Variants in EYS observed in about 807,000 individuals in gnomAD.
EYS encodes EGF-like photoreceptor maintenance factor.
In EYS, 250 loss-of-function variants were observed where a neutral mutation model predicts 282.1. That is an observed-to-expected ratio of 0.89 (90% CI 0.80 to 0.98). The LOEUF is 0.98. EYS is among the 50% of genes least tolerant of loss of function. EYS has a pLI of 0.00. For missense variants in EYS, 4,016 were observed against 3,709.0 expected (o/e 1.08, Z -2.15); for synonymous variants, 1,355 against 1,282.9 (o/e 1.06, Z -1.20).
intron 22 of EYS, among the ~76,000 whole-genome samples, chr6:64,698,256 C>T (rs1387286208): frequency 6.6e-6 from 1 of 151,938 alleles, no homozygotes; most frequent in Non-Finnish European, 1.5e-5. Context: ...TAACAACCTG[C>T]CATTACCTCA....
chr6:64,114,122 T>C (rs1773299424), intron 31 of EYS, among the ~76,000 whole-genome samples: 1 of 152,042 alleles, frequency 6.6e-6, no homozygotes, highest in South Asian at 2.1e-4. Flanking sequence ...GGTAAATAGA[T>C]TGAAAAAAAT....
At chr6:63,878,594 G>A (rs1188244858) in intron 35 of EYS, among the ~76,000 whole-genome samples, 1 of 152,188 alleles carries the variant, frequency 6.6e-6, no homozygotes, top group Non-Finnish European at 1.5e-5. Flanking sequence ...ACAGAAGCAG[G>A]CAGGCCTCCT....
At chr6:65,423,559 T>C (rs2150378665) in intron 5 of EYS, among the ~76,000 whole-genome samples, 1 of 152,084 alleles carries the variant, frequency 6.6e-6, no homozygotes, top group Non-Finnish European at 1.5e-5. Flanking sequence ...GAATTTTTAT[T>C]GCCATGTTCC....
chr6:64,124,701 A>G (rs1773703052), intron 31 of EYS, among the ~76,000 whole-genome samples: 1 of 152,246 alleles, frequency 6.6e-6, no homozygotes, highest in South Asian at 2.1e-4. Context: ...AGCTGAATCA[A>G]TGAAGCAAAT....
At position 65,057,702 on chromosome 6, in the gene EYS, A is replaced by C; in HGVS notation, c.2049T>G (p.Asp683Glu). 1 of 1,550,464 alleles carries C rather than the reference A, an allele frequency of 6.4e-7. No individual in the cohort carries two copies. The highest frequency in any genetic ancestry group is 8.7e-7 in the Non-Finnish European group (1 of 1,146,050). Residue 683 changes from aspartate (D) to glutamate (E), a missense_variant, in exon 13 of 43, where the codon GAT becomes GAG. Coordinates refer to ENST00000503581, the MANE Select transcript of EYS (RefSeq NM_001142800.2). Reference protein sequence around the residue: ...FKGTQCEIDIDECASHPCKNG... With the variant: ...FKGTQCEIDIEECASHPCKNG... ...TTTTGCAGGGATGTGAAGCACACTC[A>C]TCTATATCAATTTCACATTGCGTAC...
At chr6:64,495,740 ATTTTTC>A (rs1042477248) in intron 26 of EYS, among the ~76,000 whole-genome samples, 15 of 151,758 alleles carry the variant, frequency 9.9e-5, no homozygotes, top group Admixed American at 4.6e-4. Context: ...TGTTATTTGT[ATTTTTC>A]TTTTTATTTT....
chr6:65,243,862 T>C (rs1415475378), intron 12 of EYS, among the ~76,000 whole-genome samples: 1 of 152,184 alleles, frequency 6.6e-6, no homozygotes, highest in Non-Finnish European at 1.5e-5. Context: ...TGAGCTATGA[T>C]TGTGCCACTG....
intron 8 of EYS, among the ~76,000 whole-genome samples, chr6:65,369,744 G>A (rs1765065430): frequency 6.6e-6 from 1 of 151,500 alleles, no homozygotes; most frequent in African/African-American, 2.4e-5. Context: ...GGCTTCTATA[G>A]CCAAACGCCA....
At chr6:64,260,045 G>A (rs1236997864) in intron 30 of EYS, among the ~76,000 whole-genome samples, 1 of 151,866 alleles carries the variant, frequency 6.6e-6, no homozygotes, top group Non-Finnish European at 1.5e-5. Context: ...TTCTCTTAGC[G>A]TTAAGTATGT....
chr6:65,565,244 C>CAAAAAAAAAAAA (rs765596305), intron 2 of EYS, among the ~76,000 whole-genome samples: 1 of 1,620 alleles, frequency 6.2e-4, no homozygotes, highest in Non-Finnish European at 7.8e-4. Context: ...GACTCCGTCT[C>CAAAAAAAAAAAA]AAAAAAAAAA....
intron 26 of EYS, among the ~76,000 whole-genome samples, chr6:64,577,898 G>A (rs186621203): frequency 1.3e-5 from 2 of 152,200 alleles, no homozygotes; most frequent in Non-Finnish European, 2.9e-5. Context: ...TGTCCTTAGA[G>A]GGTGGCTTAA....
chr6:65,355,663 C>A lies in EYS; in HGVS notation c.1300-2046G>T, dbSNP rs552673030. On this transcript the variant is annotated intron_variant, in intron 8 of 42. Transcript: ENST00000503581. Reference sequence around the variant, plus strand: ...CCAAATAACCCAATTAAAAAGTGGACAAGTGACATGAATAGACATTTTTCA... The same window carrying A: ...CCAAATAACCCAATTAAAAAGTGGAAAAGTGACATGAATAGACATTTTTCA... Among the ~76,000 whole-genome samples, 4 of 152,090 alleles carry A rather than the reference C, an allele frequency of 2.6e-5. No homozygotes were observed. The East Asian group carries it at 5.8e-4, about 22-fold the overall frequency.
At chr6:64,248,406 G>A (rs147317656) in intron 30 of EYS, among the ~76,000 whole-genome samples, 2 of 152,228 alleles carry the variant, frequency 1.3e-5, no homozygotes, top group East Asian at 3.9e-4. Context: ...GAAGGAGGAG[G>A]AGAATTGGAC....
intron 31 of EYS, among the ~76,000 whole-genome samples, chr6:64,119,073 GTAAAT>G (rs1461576529): frequency 6.6e-6 from 1 of 152,016 alleles, no homozygotes; most frequent in Non-Finnish European, 1.5e-5. Context: ...TGTGCATTCT[GTAAAT>G]TAAATTTTGT....
chr6:65,652,900 C>T (rs146943774), intron 1 of EYS, among the ~76,000 whole-genome samples: 1 of 151,914 alleles, frequency 6.6e-6, no homozygotes, highest in Non-Finnish European at 1.5e-5. Flanking sequence ...TTTTCCATAA[C>T]AGGACTGTAA....
At chr6:64,132,527 T>C (rs1341074572) in intron 31 of EYS, among the ~76,000 whole-genome samples, 1 of 151,916 alleles carries the variant, frequency 6.6e-6, no homozygotes, top group African/African-American at 2.4e-5. Context: ...AGACATAGCA[T>C]AGCTTAACAT....
intron 2 of EYS, among the ~76,000 whole-genome samples, chr6:65,605,470 C>T (rs900623849): frequency 1.3e-5 from 2 of 151,652 alleles, no homozygotes; most frequent in Admixed American, 1.3e-4. Context: ...ATTTGTACAG[C>T]CTTTTAGAAA....
At chr6:65,210,282 G>T (rs1766141705) in intron 12 of EYS, among the ~76,000 whole-genome samples, 2 of 151,954 alleles carry the variant, frequency 1.3e-5, no homozygotes, top group South Asian at 4.1e-4. Flanking sequence ...CTTGACTCTT[G>T]TGAAACAGTG....
chr6:65,085,955 C>T (rs1774356276), intron 12 of EYS, among the ~76,000 whole-genome samples: 1 of 151,984 alleles, frequency 6.6e-6, no homozygotes, highest in African/African-American at 2.4e-5. Flanking sequence ...TTAATCTCTC[C>T]CTTCTCTACG....
Sources: allele counts gnomAD v4.1 joint callset (sites outside exome capture counted in the v4.1 genomes callset), GRCh38; gene constraint gnomAD v4.1.1; transcripts MANE v1.5; gene names NCBI Gene and HGNC (gene_info 2026-07-23, HGNC 2026-07-21).